Variants in SRGAP2 observed in about 807,000 individuals in gnomAD.
The protein encoded by SRGAP2 is SLIT-ROBO Rho GTPase-activating protein 2.
In SRGAP2, 15 loss-of-function variants were observed where a neutral mutation model predicts 57.2. The observed-to-expected ratio is 0.26, with a 90% confidence interval of 0.18 to 0.40. The LOEUF (loss-of-function observed/expected upper bound fraction) is 0.40, where lower values mean the gene tolerates loss of function less well. Among genes scored for constraint, SRGAP2 ranks in the 10% least tolerant of loss-of-function variants. The probability of loss-of-function intolerance (pLI) is 1.00; values close to 1 mark genes in which losing one functional copy is unlikely to be tolerated. For missense variants in SRGAP2, 520 were observed against 669.6 expected (o/e 0.78, Z 2.47); for synonymous variants, 249 against 248.0 (o/e 1.00, Z -0.04).
intron 13 of SRGAP2, among the ~76,000 whole-genome samples, chr1:206,426,600 G>A (rs1393585072): frequency 5.9e-5 from 9 of 152,198 alleles, no homozygotes; most frequent in Non-Finnish European, 1.3e-4. Context: ...TGCCAGCAGT[G>A]TACAAGCATT....
At chr1:206,441,302 T>C (rs1321309043) in intron 17 of SRGAP2, among the ~76,000 whole-genome samples, 10 of 151,878 alleles carry the variant, frequency 6.6e-5, no homozygotes, top group African/African-American at 1.7e-4. Context: ...AGTGCAGGAG[T>C]TGCCCATGTA....
intron 14 of SRGAP2, among the ~76,000 whole-genome samples, chr1:206,434,450 A>G (rs1235907525): frequency 6.6e-6 from 1 of 152,198 alleles, no homozygotes; most frequent in Admixed American, 6.5e-5. Flanking sequence ...GCCATTTCCA[A>G]ATAGCTTAGT....
intron 4 of SRGAP2, among the ~76,000 whole-genome samples, chr1:206,358,744 A>G (rs1419459411): frequency 6.6e-6 from 1 of 151,640 alleles, no homozygotes; most frequent in African/African-American, 2.4e-5. Flanking sequence ...ATTCAGGACC[A>G]CAAATAACCA....
At chr1:206,275,762 A>G (rs1245548894) in intron 2 of SRGAP2, among the ~76,000 whole-genome samples, 1 of 151,756 alleles carries the variant, frequency 6.6e-6, no homozygotes, top group East Asian at 1.9e-4. Context: ...GACTACAGGC[A>G]CGCATCGCCA....
intron 4 of SRGAP2, among the ~76,000 whole-genome samples, chr1:206,346,472 G>A (rs1280592042): frequency 1.3e-5 from 2 of 152,160 alleles, no homozygotes; most frequent in Admixed American, 6.5e-5. Context: ...GTGTGGAGAG[G>A]GCTAGCTTAA....
intron 13 of SRGAP2, among the ~76,000 whole-genome samples, chr1:206,422,873 T>C (rs1363867089): frequency 6.6e-6 from 1 of 152,238 alleles, no homozygotes; most frequent in East Asian, 1.9e-4. Flanking sequence ...AAAGACCTTG[T>C]TTTCATTCTG....
chr1:206,444,174 G>A (rs1395795441), intron 17 of SRGAP2, among the ~76,000 whole-genome samples: 2 of 147,548 alleles, frequency 1.4e-5, no homozygotes, highest in East Asian at 2.0e-4. Context: ...AGGCGACTCC[G>A]TCTCAAAAAA....
At chr1:206,412,998 C>T (rs527336439) in intron 10 of SRGAP2, among the ~76,000 whole-genome samples, 3 of 152,230 alleles carry the variant, frequency 2.0e-5, no homozygotes, top group East Asian at 1.9e-4. Flanking sequence ...TAATGAAACC[C>T]GAAGAGGTAA....
At chr1:206,305,558 C>G (rs1374277432) in intron 3 of SRGAP2, among the ~76,000 whole-genome samples, 3 of 152,154 alleles carry the variant, frequency 2.0e-5, no homozygotes, top group African/African-American at 7.3e-5. Context: ...GCATTCAGCA[C>G]TATCTACCTT....
intron 2 of SRGAP2, among the ~76,000 whole-genome samples, chr1:206,273,636 GAT>G (rs1409566234): frequency 6.7e-6 from 1 of 149,882 alleles, no homozygotes; most frequent in Non-Finnish European, 1.5e-5. Flanking sequence ...AGAGAGGTCT[GAT>G]ATCACTTCAG....
intron 4 of SRGAP2, among the ~76,000 whole-genome samples, chr1:206,370,660 G>A (rs1553342419): frequency 3.9e-5 from 6 of 152,152 alleles, no homozygotes; most frequent in South Asian, 2.1e-4. Flanking sequence ...AAATATTCGG[G>A]ACTTAGTGGT....
intron 2 of SRGAP2, among the ~76,000 whole-genome samples, chr1:206,244,273 CT>C (rs1159749633): frequency 0.021 from 1,592 of 77,482 alleles, 111 homozygotes; most frequent in African/African-American, 0.072. Flanking sequence ...TGTTTTAAAT[CT>C]TTTTTTTTTT....
intron 19 of SRGAP2, among the ~76,000 whole-genome samples, chr1:206,451,435 A>G (rs1171398803): frequency 2.0e-5 from 3 of 152,116 alleles, no homozygotes; most frequent in Admixed American, 1.3e-4. Flanking sequence ...TCTGGATCAC[A>G]TGGGCTCTGG....
intron 2 of SRGAP2, among the ~76,000 whole-genome samples, chr1:206,243,762 A>T (rs1374028988): frequency 6.6e-6 from 1 of 151,944 alleles, no homozygotes; most frequent in Non-Finnish European, 1.5e-5. Flanking sequence ...AGCTCCTCTC[A>T]TTCTGAGTGG....
At position 206,372,988 on chromosome 1, in the gene SRGAP2, T is replaced by C. The variant is rs1433591928; in HGVS notation, c.424-11026T>C. Among the ~76,000 whole-genome samples the C allele has an allele frequency of 7.6e-4, 82 of 108,218 alleles. 2 individuals are homozygous for C. Among genetic ancestry groups the C allele is most frequent in the African/African-American group, 2.9e-3 (76 of 26,026 alleles). 71.0% of individuals were successfully genotyped at this position (108,218 alleles called of 152,430 possible). ...TCCTTTCTTTCTTTCTTTCTTTCTTTCTTTCTTTCTTTCTTTCTTTCTTTC... is the reference window on the plus strand; with the variant it reads ...TCCTTTCTTTCTTTCTTTCTTTCTTCCTTTCTTTCTTTCTTTCTTTCTTTC... On this transcript the variant is annotated intron_variant, in intron 4 of 22. Coordinates refer to ENST00000573034, the MANE Select transcript of SRGAP2 (RefSeq NM_015326.5).
intron 2 of SRGAP2, among the ~76,000 whole-genome samples, chr1:206,273,826 T>C (rs1324649618): frequency 2.7e-5 from 4 of 150,866 alleles, no homozygotes; most frequent in African/African-American, 9.9e-5. Flanking sequence ...TGAAGTTGTT[T>C]TTATGATTTC....
At chr1:206,443,952 G>A (rs563886373) in intron 17 of SRGAP2, among the ~76,000 whole-genome samples, 1 of 152,222 alleles carries the variant, frequency 6.6e-6, no homozygotes, top group Admixed American at 6.5e-5. Flanking sequence ...CACGTTGGGT[G>A]GCCAAGGCGG....
intron 1 of SRGAP2, 138 bp downstream of exon 1, chr1:206,203,788 C>T (rs1665563642): frequency 3.9e-6 from 6 of 1,527,866 alleles, no homozygotes; most frequent in African/African-American, 2.8e-5. Flanking sequence ...CGCCCGGAAT[C>T]CCTCAGACCG....
intron 22 of SRGAP2, among the ~76,000 whole-genome samples, chr1:206,459,360 C>T (rs182460149): frequency 2.7e-5 from 4 of 150,076 alleles, no homozygotes; most frequent in Admixed American, 6.6e-5. Flanking sequence ...ACCATCATCC[C>T]GATTCCTAAG....
Sources: gnomAD v4.1 joint callset for allele counts (sites outside exome capture counted in the v4.1 genomes callset) on GRCh38, gnomAD v4.1.1 for gene constraint, MANE v1.5 for transcripts, NCBI Gene and HGNC (gene_info 2026-07-23, HGNC 2026-07-21) for gene names.